GRHL3: variants seen among roughly 807,000 people sequenced by gnomAD.
The protein encoded by GRHL3 is grainyhead like transcription factor 3, also known as grainyhead-like protein 3 homolog.
GRHL3 carries 20 observed loss-of-function variants against 70.3 expected under a neutral mutation model. That is an observed-to-expected ratio of 0.28 (90% CI 0.20 to 0.41). GRHL3 has a LOEUF of 0.41. Among genes scored for constraint, GRHL3 ranks in the 10% least tolerant of loss-of-function variants. The probability of loss-of-function intolerance (pLI) is 1.00; values close to 1 mark genes in which losing one functional copy is unlikely to be tolerated. For missense variants in GRHL3, 637 were observed against 762.3 expected (o/e 0.84, Z 1.94); for synonymous variants, 299 against 299.9 (o/e 1.00, Z 0.03).
chr1:24,331,353 T>C, intron 1 of GRHL3, 73 bp from the exon 2 acceptor site: 1 of 1,372,946 alleles, frequency 7.3e-7, no homozygotes, highest in East Asian at 2.4e-5. Flanking sequence ...TTCCTGGGCG[T>C]TGGCCTGCGG....
At chr1:24,340,869 G>C (rs1387812612) in intron 8 of GRHL3, among the ~76,000 whole-genome samples, 1 of 152,176 alleles carries the variant, frequency 6.6e-6, no homozygotes, top group Non-Finnish European at 1.5e-5. Flanking sequence ...TGGGAAGGGA[G>C]AGATGGGTTT....
At chr1:24,358,457 G>T, downstream of GRHL3, 3 of 1,168,390 alleles carry the variant, frequency 2.6e-6, no homozygotes, top group South Asian at 1.2e-5. Flanking sequence ...CCACACTCAT[G>T]ATCGGTCTCC....
chr1:24,344,967 C>T (rs769867103), intron 12 of GRHL3, 36 bp downstream of exon 12: 1 of 1,506,730 alleles, frequency 6.6e-7, no homozygotes, highest in East Asian at 2.3e-5. Context: ...TCCCTCCACA[C>T]CTGTGCACCC....
chr1:24,325,916 G>A (rs1639371830), intron 1 of GRHL3, among the ~76,000 whole-genome samples: 1 of 152,340 alleles, frequency 6.6e-6, no homozygotes, highest in East Asian at 1.9e-4. Flanking sequence ...CTCTGTGAAG[G>A]TTCTGGATGC....
chr1:24,344,664 C>T (rs1038527937), intron 11 of GRHL3, among the ~76,000 whole-genome samples: 1 of 152,000 alleles, frequency 6.6e-6, no homozygotes, highest in East Asian at 1.9e-4. Context: ...TTAGCACCTC[C>T]TGTGTGTTCA....
rs753524721 is a variant in GRHL3, at chr1:24,344,919, G to T, written c.1442G>T (p.Ser481Ile). 3 of 1,613,562 alleles carry T rather than the reference G, an allele frequency of 1.9e-6. No homozygotes were observed. The highest frequency in any genetic ancestry group is 2.5e-6 in the Non-Finnish European group (3 of 1,179,730). Residue 481 changes from serine (S) to isoleucine (I), a missense_variant, in exon 12 of 16, where the codon AGC becomes ATC. Ser to Ile is a moderately radical substitution (Grantham distance 142). This residue lies in a region of GRHL3 where 387 missense variants were observed against 513.8 expected (regional missense o/e 0.75). Coordinates refer to ENST00000361548, the MANE Select transcript of GRHL3 (RefSeq NM_198173.3). ...CAGGCAGCCCCCTCGGCAGGACCCA[G>T]CAGCTCCAACAGGTATGGAGAGAAA... Reference protein sequence around the residue: ...SGGAAPSAGPSSSNRLPLKRT... With the variant: ...SGGAAPSAGPISSNRLPLKRT...
intron 1 of GRHL3, among the ~76,000 whole-genome samples, chr1:24,324,028 ATGTT>A (rs1400158920): frequency 6.6e-6 from 1 of 152,166 alleles, no homozygotes; most frequent in East Asian, 1.9e-4. Flanking sequence ...TCCTCAGTGA[ATGTT>A]TGTTGAGTGA....
rs568501278 is a variant in GRHL3 at position 24,344,810 on chromosome 1, A to G, written c.1420-87A>G. ...GTATTCTCCCCACCTCCCACCAAAA[A>G]TATTCCTCCCAGAGAGCCTCCAGCA... On this transcript the variant is annotated intron_variant, in intron 11 of 15. Coordinates refer to ENST00000361548, the MANE Select transcript of GRHL3 (RefSeq NM_198173.3). The G allele has an allele frequency of 5.3e-6, 8 of 1,499,922 alleles. No individual in the cohort carries two copies. The South Asian group carries it at 9.0e-5, about 17-fold the overall frequency. 92.9% of individuals were successfully genotyped at this position (1,499,922 alleles called of 1,614,324 possible). A position where few individuals can be genotyped will look rare whatever the true frequency, so the allele number is the denominator to read the frequency against.
chr1:24,357,821 G>T (rs1040123614), downstream of GRHL3: 2 of 292,052 alleles, frequency 6.8e-6, no homozygotes, highest in Admixed American at 9.3e-5. Flanking sequence ...CCATGGAAGG[G>T]CCTGTAAGCC....
At chr1:24,343,236 T>C (rs1349230813) in intron 11 of GRHL3, 1 of 552,734 alleles carries the variant, frequency 1.8e-6, no homozygotes, top group African/African-American at 1.9e-5. Flanking sequence ...AAGAAACAGA[T>C]TTCGTAACCA....
Position 24,350,085 on chromosome 1 carries a change from G to A in GRHL3, c.1657G>A (p.Glu553Lys). 6.2e-7 allele frequency: 1 copy of A among 1,613,928 alleles called. No homozygotes were observed. Among genetic ancestry groups the A allele is most frequent in the South Asian group, 1.1e-5 (1 of 91,030 alleles). ...CTCTGAGAAGTATGGGTTCCCTGAA[G>A]AGAACATTTACAAAGTCTACAAGAA... is the stretch of plus-strand genomic sequence containing the variant. ...AISEKYGFPE[E>K]NIYKVYKKCK... The change falls in exon 15 of 16, where the codon GAG becomes AAG. Residue 553 changes from glutamate (E) to lysine (K), a missense_variant. Glu to Lys is a moderately conservative substitution (Grantham distance 56). This residue lies in a region of GRHL3 where 387 missense variants were observed against 513.8 expected (regional missense o/e 0.75). Coordinates refer to ENST00000361548, the MANE Select transcript of GRHL3 (RefSeq NM_198173.3).
chr1:24,343,929 A>G (rs1278361490), intron 11 of GRHL3, among the ~76,000 whole-genome samples: 1 of 152,206 alleles, frequency 6.6e-6, no homozygotes, highest in East Asian at 1.9e-4. Flanking sequence ...GGCGCAGAGC[A>G]CTGTCTGTGT....
intron 15 of GRHL3, chr1:24,360,732 C>G: frequency 1.1e-6 from 1 of 890,840 alleles, no homozygotes; most frequent in Non-Finnish European, 1.7e-6. Context: ...CCAAATCTAC[C>G]CTCATCCCTG....
At chr1:24,337,285 A>G (rs1639859674) in intron 5 of GRHL3, 134 bp downstream of exon 5, 1 of 650,868 alleles carries the variant, frequency 1.5e-6, no homozygotes, top group Admixed American at 2.9e-5. Context: ...AGATAGATAG[A>G]GGGAGACAGA....
At chr1:24,350,294 G>A (rs1640454199) in intron 15 of GRHL3, among the ~76,000 whole-genome samples, 172 bp downstream of exon 15, 1 of 152,188 alleles carries the variant, frequency 6.6e-6, no homozygotes, top group South Asian at 2.1e-4. Flanking sequence ...GGTCACAACT[G>A]GGAAGGATGG....
intron 14 of GRHL3, among the ~76,000 whole-genome samples, chr1:24,349,010 A>T (rs992142718): frequency 6.6e-6 from 1 of 152,146 alleles, no homozygotes; most frequent in African/African-American, 2.4e-5. Flanking sequence ...CCTTTACACA[A>T]TCGTCTCAGT....
At position 24,322,984 on chromosome 1, in the gene GRHL3, C is replaced by G; in HGVS notation, c.17+3416C>G. The G allele has an allele frequency of 9.1e-7, 1 of 1,093,418 alleles. No homozygotes were observed. The highest frequency in any genetic ancestry group is 1.4e-6 in the Non-Finnish European group (1 of 738,630). 67.7% of individuals were successfully genotyped at this position (1,093,418 alleles called of 1,614,324 possible). On this transcript the variant is annotated intron_variant, in intron 1 of 15. Coordinates refer to ENST00000361548, the MANE Select transcript of GRHL3 (RefSeq NM_198173.3). The surrounding 1 kb of genome is among the most constrained non-coding windows in gnomAD (Gnocchi z 4.4). The stretch of plus-strand genomic sequence containing the variant: ...ACTGGGATCTTAACCGGGTCTTAGC[C>G]GAGCAGCCATAGGCCACCCCGCTTC...
rs1236535349 is a variant in GRHL3 at position 24,342,477 on chromosome 1, G to A, written c.1206+204G>A. Among the ~76,000 whole-genome samples, 1 of 151,838 alleles carries A rather than the reference G, an allele frequency of 6.6e-6. No individual in the cohort carries two copies. The highest frequency in any genetic ancestry group is 1.5e-5 in the Non-Finnish European group (1 of 68,002). ...CTTCTTTTCTGTCTTCTGTCTGTCC[G>A]CCTCTCTCATGGCCTGTAGTGACCT... On this transcript the variant is annotated intron_variant, in intron 9 of 15. Transcript: ENST00000361548. This position sits in a 1 kb window ranked among gnomAD's most constrained non-coding sequence, Gnocchi z 4.8.
Position 24,347,401 on chromosome 1 carries a change from C to T in GRHL3, c.1544-67C>T, listed in dbSNP as rs1302396425. 6 of 1,345,288 alleles carry T rather than the reference C, an allele frequency of 4.5e-6. No individual in the cohort carries two copies. In the South Asian group the frequency reaches 5.9e-5, roughly 13 times the overall value. 83.3% of individuals were successfully genotyped at this position (1,345,288 alleles called of 1,614,324 possible). ...AATCTTCAAGTAACGTTTTCAGATT[C>T]CCCAGCCCCTGAGATGATCCTGTTC... On this transcript the variant is annotated intron_variant, in intron 13 of 15. Transcript: ENST00000361548.
Sources: allele counts gnomAD v4.1 joint callset (sites outside exome capture counted in the v4.1 genomes callset), GRCh38; gene constraint gnomAD v4.1.1; regional missense constraint gnomAD v4.1.1; non-coding constraint Gnocchi (gnomAD v3.1); transcripts MANE v1.5; gene names NCBI Gene and HGNC (gene_info 2026-07-23, HGNC 2026-07-21).